The following TRIP12 variants were observed in gnomAD, a reference collection of about 807,000 sequenced individuals.
TRIP12 encodes the protein E3 ubiquitin-protein ligase TRIP12.
TRIP12 carries 25 observed loss-of-function variants against 244.2 expected under a neutral mutation model. The ratio of observed to expected loss-of-function variants is 0.10; its 90% CI spans 0.07 to 0.14. TRIP12 has a LOEUF of 0.14. TRIP12 is among the 10% of genes least tolerant of loss of function. The pLI is 1.00. For missense variants in TRIP12, 1,677 were observed against 2,486.4 expected (o/e 0.67, Z 6.92); for synonymous variants, 905 against 873.1 (o/e 1.04, Z -0.64).
intron 1 of TRIP12, chr2:229,894,548 G>A (rs761226238): frequency 3.9e-5 from 6 of 152,098 alleles, no homozygotes; most frequent in African/African-American, 7.2e-5. Context: ...ATCCCAAACC[G>A]ACTGCTGGGA....
intron 2 of TRIP12, among the ~76,000 whole-genome samples, chr2:229,870,549 G>T (rs1159350426): frequency 6.6e-6 from 1 of 152,200 alleles, no homozygotes; most frequent in Non-Finnish European, 1.5e-5. Context: ...CATTGATGTG[G>T]AAACTTTTGA....
chr2:229,854,071 G>A (rs933072032), intron 4 of TRIP12, among the ~76,000 whole-genome samples: 1 of 151,988 alleles, frequency 6.6e-6, no homozygotes, highest in African/African-American at 2.4e-5. Context: ...TAAATTTAAG[G>A]GGTGCAAGTG....
Position 229,846,025 on chromosome 2 carries a change from A to G in TRIP12, c.1028-5098T>C, listed in dbSNP as rs533649157. Reference sequence around the variant, plus strand: ...GCCTCTCTTTTTTTCAAAAAAAAAAAAAAAAAGGTGGGGGGGGCAGGTAGT... The same window carrying G: ...GCCTCTCTTTTTTTCAAAAAAAAAAGAAAAAAGGTGGGGGGGGCAGGTAGT... On this transcript the variant is annotated intron_variant, in intron 4 of 41. Transcript: ENST00000675903. 3.3e-5 allele frequency among the ~76,000 whole-genome samples: 5 copies of G among 151,784 alleles called. No individual in the cohort carries two copies. In the South Asian group the frequency reaches 1.0e-3, roughly 32 times the overall value.
rs1177596958 is a variant in TRIP12, at chr2:229,858,890, A to G, written c.909T>C (p.Asp303=). The G allele has an allele frequency of 6.2e-7, 1 of 1,614,114 alleles. No individual in the cohort carries two copies. The highest frequency in any genetic ancestry group is 8.5e-7 in the Non-Finnish European group (1 of 1,180,046). The change falls in exon 4 of 42, where the codon GAT becomes GAC. Residue 303 remains aspartate (D), a synonymous_variant. Transcript: ENST00000675903. ...QSKTGGSSKF[D]WAARFSPKVS... ...CTTTAGGGCTGAAACGAGCAGCCCA[A>G]TCAAATTTTGAAGAGCCACCAGTTT... is the stretch of plus-strand genomic sequence containing the variant.
intron 8 of TRIP12, among the ~76,000 whole-genome samples, chr2:229,827,574 G>A (rs141301780): frequency 8.4e-4 from 128 of 152,144 alleles, no homozygotes; most frequent in Middle Eastern, 6.8e-3. Flanking sequence ...GTATCATTAC[G>A]TTCTACCTCC....
intron 1 of TRIP12, among the ~76,000 whole-genome samples, chr2:229,913,576 C>T (rs1423745742): frequency 6.6e-6 from 1 of 152,190 alleles, no homozygotes; most frequent in Non-Finnish European, 1.5e-5. Context: ...CCTTAAGTAG[C>T]TGATTTTAAT....
chr2:229,840,270 A>G (rs1258477013), intron 5 of TRIP12, among the ~76,000 whole-genome samples: 1 of 152,258 alleles, frequency 6.6e-6, no homozygotes, highest in Non-Finnish European at 1.5e-5. Flanking sequence ...GGAAAAGTAG[A>G]AGATAAAAGT....
intron 1 of TRIP12, among the ~76,000 whole-genome samples, chr2:229,915,263 C>T (rs769583512): frequency 6.6e-6 from 1 of 151,880 alleles, no homozygotes; most frequent in Non-Finnish European, 1.5e-5. Flanking sequence ...AAAAAAAAAA[C>T]TTATTTAGGT....
In TRIP12 at chr2:229,796,606, T is replaced by C; in HGVS notation, c.3801A>G (p.Val1267=). 1 of 1,590,764 alleles carries C rather than the reference T, an allele frequency of 6.3e-7. No individual in the cohort carries two copies. The highest frequency in any genetic ancestry group is 1.2e-5 in the South Asian group (1 of 86,718). The change falls in exon 25 of 42, where the codon GTA becomes GTG. Residue 1267 remains valine (V), a synonymous_variant. Coordinates refer to ENST00000675903, the MANE Select transcript of TRIP12 (RefSeq NM_001348323.3). The part of the protein sequence containing the change: ...REIRLKRFLH[V]FFSSPLPGEE... ...GATAACTTACTGGAGAAGAAAAAAA[T>C]ACATGAAGAAATCGCTTTAATCTGA...
At chr2:229,891,365 C>T (rs1255056908) in intron 1 of TRIP12, among the ~76,000 whole-genome samples, 1 of 152,128 alleles carries the variant, frequency 6.6e-6, no homozygotes, top group African/African-American at 2.4e-5. Context: ...GTGAAGTCTG[C>T]AGTAAGCTGA....
At chr2:229,881,699 C>T (rs1422468811) in intron 1 of TRIP12, among the ~76,000 whole-genome samples, 1 of 151,970 alleles carries the variant, frequency 6.6e-6, no homozygotes, top group Non-Finnish European at 1.5e-5. Context: ...AAAAGAGAGG[C>T]AGGCAGAGAG....
intron 2 of TRIP12, among the ~76,000 whole-genome samples, chr2:229,878,916 C>T (rs2064229147): frequency 1.3e-5 from 2 of 151,542 alleles, no homozygotes; most frequent in South Asian, 2.1e-4. Context: ...AGATAATATG[C>T]ATTCATGGTT....
At chr2:229,820,247 A>G (rs2049676576) in intron 8 of TRIP12, among the ~76,000 whole-genome samples, 1 of 152,182 alleles carries the variant, frequency 6.6e-6, no homozygotes, top group South Asian at 2.1e-4. Flanking sequence ...TGGAGGTCTT[A>G]TAACCATTGG....
At chr2:229,919,284 C>G (rs557225616) in intron 1 of TRIP12, among the ~76,000 whole-genome samples, 1 of 152,010 alleles carries the variant, frequency 6.6e-6, no homozygotes, top group South Asian at 2.1e-4. Flanking sequence ...GGCGTGGTGG[C>G]GCGTGCCTGT....
At chr2:229,799,462 A>C in intron 21 of TRIP12, 79 bp from the exon 22 acceptor site, 3 of 1,315,088 alleles carry the variant, frequency 2.3e-6, no homozygotes, top group Non-Finnish European at 3.3e-6. Flanking sequence ...GCAAACTAAA[A>C]TGGCAGAAAC....
rs2040984638 is a variant in TRIP12, at chr2:229,789,842, A to G, written c.4544-80T>C. ...GTGCAGCCAAGGTCCTATCATCGCTAAAAGAGTAACAGAAGTTGTTATAGT... is the reference window on the plus strand; with the variant it reads ...GTGCAGCCAAGGTCCTATCATCGCTGAAAGAGTAACAGAAGTTGTTATAGT... On this transcript the variant is annotated intron_variant, in intron 30 of 41. Coordinates refer to ENST00000675903, the MANE Select transcript of TRIP12 (RefSeq NM_001348323.3). The G allele has an allele frequency of 1.1e-5, 17 of 1,482,180 alleles. No homozygotes were observed. The South Asian group carries it at 1.8e-4, about 16-fold the overall frequency. 91.8% of individuals were successfully genotyped at this position (1,482,180 alleles called of 1,614,324 possible).
chr2:229,861,601 C>T (rs2060494014), intron 2 of TRIP12, among the ~76,000 whole-genome samples: 2 of 152,122 alleles, frequency 1.3e-5, no homozygotes, highest in South Asian at 4.1e-4. Context: ...GAAAATCTCA[C>T]AAAATAATTC....
intron 8 of TRIP12, among the ~76,000 whole-genome samples, chr2:229,825,895 A>G (rs2154294312): frequency 6.6e-6 from 1 of 152,346 alleles, no homozygotes; most frequent in East Asian, 1.9e-4. Flanking sequence ...CCCATCATCC[A>G]ATGCTGGGAC....
intron 16 of TRIP12, 137 bp downstream of exon 16, chr2:229,808,115 C>T (rs550650221): frequency 6.0e-5 from 43 of 720,236 alleles, no homozygotes; most frequent in Admixed American, 2.0e-4. Context: ...TACAGGCGCC[C>T]GCCACTACGC....
Sources: allele counts gnomAD v4.1 joint callset (sites outside exome capture counted in the v4.1 genomes callset), GRCh38; gene constraint gnomAD v4.1.1; transcripts MANE v1.5; gene names NCBI Gene and HGNC (gene_info 2026-07-23, HGNC 2026-07-21).